Variants in TRPC5 observed in about 807,000 individuals in gnomAD.
TRPC5 encodes transient receptor potential cation channel subfamily C member 5.
In TRPC5, 9 loss-of-function variants were observed where a neutral mutation model predicts 56.5. That is an observed-to-expected ratio of 0.16 (90% CI 0.10 to 0.28). The LOEUF is 0.28. TRPC5 is among the 10% of genes least tolerant of loss of function. The probability of loss-of-function intolerance (pLI) is 1.00; values close to 1 mark genes in which losing one functional copy is unlikely to be tolerated. For synonymous variants in TRPC5, 282 were observed against 278.5 expected (o/e 1.01, Z -0.13); for missense variants, 469 against 748.9 (o/e 0.63, Z 4.36).
chrX:112,052,641 T>A (rs1930243784), intron 1 of TRPC5, among the ~76,000 whole-genome samples: 1 of 111,934 alleles, frequency 8.9e-6, no homozygotes, highest in Non-Finnish European at 1.9e-5. Flanking sequence ...GTAGTATAAT[T>A]TCTCTGTTTT....
chrX:112,009,573 A>G (rs752376341), intron 1 of TRPC5, among the ~76,000 whole-genome samples: 2 of 111,714 alleles, frequency 1.8e-5, no homozygotes, highest in South Asian at 7.5e-4. Context: ...TTTTATTCAT[A>G]ATTAAGTGAG....
At chrX:111,890,517 G>A (rs990672534) in intron 3 of TRPC5, among the ~76,000 whole-genome samples, 2 of 110,880 alleles carry the variant, frequency 1.8e-5, no homozygotes, top group South Asian at 3.9e-4. Flanking sequence ...AAACATCCAC[G>A]GGTTTTAGTA....
intron 3 of TRPC5, among the ~76,000 whole-genome samples, chrX:111,894,557 C>A (rs1385783450): frequency 9.0e-6 from 1 of 111,164 alleles, no homozygotes; most frequent in Non-Finnish European, 1.9e-5. Context: ...CTTAGCACTG[C>A]CATGAAGTAG....
At chrX:111,933,282 A>G (rs1216532690) in intron 2 of TRPC5, among the ~76,000 whole-genome samples, 1 of 111,649 alleles carries the variant, frequency 9.0e-6, no homozygotes, top group Non-Finnish European at 1.9e-5. Flanking sequence ...TGAGCTTGCA[A>G]TAAGAGTCAT....
intron 7 of TRPC5, among the ~76,000 whole-genome samples, chrX:111,792,747 G>A (rs973027994): frequency 1.8e-5 from 2 of 112,147 alleles, no homozygotes; most frequent in East Asian, 2.8e-4. Flanking sequence ...TTTAAGCTAC[G>A]TCATCATCCA....
chrX:111,829,260 C>A (rs1388763437), intron 7 of TRPC5, among the ~76,000 whole-genome samples: 1 of 100,146 alleles, frequency 1.0e-5, no homozygotes, highest in East Asian at 3.1e-4. Flanking sequence ...TGAGATCACA[C>A]CACTGCACTC....
chrX:111,969,212 A>G (rs1467475662), intron 1 of TRPC5, among the ~76,000 whole-genome samples: 1 of 111,167 alleles, frequency 9.0e-6, no homozygotes, highest in Non-Finnish European at 1.9e-5. Context: ...AACATTTTTT[A>G]GCAATACAGT....
intron 7 of TRPC5, among the ~76,000 whole-genome samples, chrX:111,786,435 C>G (rs779448188): frequency 9.0e-6 from 1 of 111,663 alleles, no homozygotes; most frequent in South Asian, 3.8e-4. Flanking sequence ...TGGATAGAAA[C>G]AACCGGTACT....
intron 1 of TRPC5, among the ~76,000 whole-genome samples, chrX:111,962,168 C>G (rs1002850960): frequency 9.0e-6 from 1 of 111,138 alleles, no homozygotes; most frequent in Admixed American, 9.5e-5. Flanking sequence ...ACACTAGAAG[C>G]CCATTCCCCA....
intron 1 of TRPC5, among the ~76,000 whole-genome samples, chrX:111,976,078 A>G (rs1012516454): frequency 4.1e-4 from 46 of 112,274 alleles, no homozygotes; most frequent in Non-Finnish European, 1.5e-4. Flanking sequence ...CAATAGATAC[A>G]GAAAAATTTT....
intron 3 of TRPC5, among the ~76,000 whole-genome samples, chrX:111,877,605 G>T (rs1285271364): frequency 2.7e-5 from 3 of 111,445 alleles, no homozygotes; most frequent in African/African-American, 9.8e-5. Context: ...ACAGCTTGGG[G>T]AGTTGCCTAT....
intron 7 of TRPC5, among the ~76,000 whole-genome samples, chrX:111,803,206 C>T (rs1412921192): frequency 2.7e-5 from 3 of 112,192 alleles, no homozygotes; most frequent in African/African-American, 9.7e-5. Context: ...CATCCTTCTC[C>T]ATGGCTGCAT....
At chrX:111,819,348 T>C (rs1921962071) in intron 7 of TRPC5, among the ~76,000 whole-genome samples, 1 of 111,656 alleles carries the variant, frequency 9.0e-6, no homozygotes. Context: ...TGCACAATTT[T>C]GGGAGCACCA....
intron 1 of TRPC5, among the ~76,000 whole-genome samples, chrX:112,053,708 G>C (rs770827864): frequency 1.8e-5 from 2 of 111,178 alleles, no homozygotes; most frequent in South Asian, 7.7e-4. Flanking sequence ...GTGTGTTTGT[G>C]TGTGTGTATA....
At chrX:111,852,081 A>G (rs1923100783) in intron 5 of TRPC5, among the ~76,000 whole-genome samples, 1 of 112,216 alleles carries the variant, frequency 8.9e-6, no homozygotes, top group Admixed American at 9.4e-5. Flanking sequence ...CTCAGAAGCT[A>G]ATGATTCATT....
At chrX:112,058,025 TG>T (rs1038315988) in intron 1 of TRPC5, among the ~76,000 whole-genome samples, 5 of 111,820 alleles carry the variant, frequency 4.5e-5, no homozygotes, top group African/African-American at 1.6e-4. Flanking sequence ...TCTCTAGCCC[TG>T]GGTCTATTCT....
chrX:111,842,800 C>T, intron 6 of TRPC5, among the ~76,000 whole-genome samples: 1 of 108,298 alleles, frequency 9.2e-6, no homozygotes. Flanking sequence ...GGAGAAAGGC[C>T]AAGGGTTTTT....
At chrX:111,998,762 G>A (rs1928614607) in intron 1 of TRPC5, among the ~76,000 whole-genome samples, 1 of 111,261 alleles carries the variant, frequency 9.0e-6, no homozygotes, top group Admixed American at 9.6e-5. Flanking sequence ...CAGCATGTGT[G>A]GATTTTGGTA....
At chrX:112,076,098 G>A (rs747280603) in intron 1 of TRPC5, among the ~76,000 whole-genome samples, 5 of 111,978 alleles carry the variant, frequency 4.5e-5, no homozygotes, top group African/African-American at 6.5e-5. Flanking sequence ...TTGATAACAC[G>A]TGCTATTGTT....
Sources: gnomAD v4.1 joint callset for allele counts (sites outside exome capture counted in the v4.1 genomes callset) on GRCh38, gnomAD v4.1.1 for gene constraint, MANE v1.5 for transcripts, NCBI Gene and HGNC (gene_info 2026-07-23, HGNC 2026-07-21) for gene names.